PLA2G4D: variants seen among roughly 807,000 people sequenced by gnomAD.
The protein encoded by PLA2G4D is cytosolic phospholipase A2 delta.
A neutral mutation model predicts 94.4 loss-of-function variants in PLA2G4D; 80 were observed. That is an observed-to-expected ratio of 0.85 (90% confidence interval 0.71 to 1.02). PLA2G4D has a LOEUF of 1.02. Among genes scored for constraint, PLA2G4D ranks in the 50% least tolerant of loss-of-function variants. PLA2G4D has a pLI of 0.00. For synonymous variants in PLA2G4D, 438 were observed against 440.9 expected, an observed-to-expected ratio of 0.99 and a Z score of 0.08; for missense variants, 1,050 against 1,034.7, an observed-to-expected ratio of 1.01 and a Z score of -0.20.
rs569480249 is a variant in PLA2G4D, at chr15:42,088,434, C to T, written c.46-734G>A. 6.6e-5 allele frequency among the ~76,000 whole-genome samples: 10 copies of T among 152,260 alleles called. No homozygotes were observed. In the East Asian group the frequency reaches 1.5e-3, roughly 24 times the overall value. On this transcript the variant is annotated intron_variant, in intron 1 of 19. Transcript: ENST00000290472. ...GGTGGCAGGAGGGAAAGCAGATGGCCAGAGGGGCGTGGCTGAGGCCTGCTG... is the reference window on the plus strand; with the variant it reads ...GGTGGCAGGAGGGAAAGCAGATGGCTAGAGGGGCGTGGCTGAGGCCTGCTG...
chr15:42,072,484 C>A lies in PLA2G4D; in HGVS notation c.1318-92G>T. On this transcript the variant is annotated intron_variant, in intron 13 of 19. Transcript: ENST00000290472. ...GACAGGGGCAGGATGGGGGACCTGG[C>A]TGGGGGTGAGGAGGCAGCTCCTCCC... 2.9e-6 allele frequency: 3 copies of A among 1,023,292 alleles called. No homozygotes were observed. In the Admixed American group the frequency reaches 5.7e-5, roughly 20 times the overall value. The allele number at this position is 1,023,292 out of a possible 1,614,324, so 63.4% of individuals were successfully genotyped here.
rs1307442954 is a variant in PLA2G4D at position 42,081,625 on chromosome 15, G to A, written c.822-11C>T. ...GCCAGCTCCTCAGGGCTGTGGCAATGGAGGATCCAGGGGTCAGGGGACACC... is the reference window on the plus strand; with the variant it reads ...GCCAGCTCCTCAGGGCTGTGGCAATAGAGGATCCAGGGGTCAGGGGACACC... On this transcript the variant is annotated splice_polypyrimidine_tract_variant and intron_variant, in intron 10 of 19. Coordinates refer to ENST00000290472, the MANE Select transcript of PLA2G4D (RefSeq NM_178034.4). 2 of 1,613,534 alleles carry A rather than the reference G, an allele frequency of 1.2e-6. No homozygotes were observed. Among genetic ancestry groups the A allele is most frequent in the East Asian group, 2.2e-5 (1 of 44,900 alleles).
chr15:42,069,907 A>G lies in PLA2G4D; in HGVS notation c.2230+2T>C. On this transcript the variant is annotated splice_donor_variant, in intron 19 of 19. Transcript: ENST00000290472. LOFTEE classifies it high-confidence loss of function. Reference sequence around the variant, plus strand: ...CTGGGTGCTTGGGAGGGGCTGCCTCACCGGGGGCTGAGTGGTCCTTGAAGG... The same window carrying G: ...CTGGGTGCTTGGGAGGGGCTGCCTCGCCGGGGGCTGAGTGGTCCTTGAAGG... 1 of 1,412,210 alleles carries G rather than the reference A, an allele frequency of 7.1e-7. No individual in the cohort carries two copies. Among genetic ancestry groups the G allele is most frequent in the Non-Finnish European group, 9.2e-7 (1 of 1,083,138 alleles). The allele number at this position is 1,412,210 out of a possible 1,614,324, so 87.5% of individuals were successfully genotyped here. A position where few individuals can be genotyped will look rare whatever the true frequency, so the allele number is the denominator to read the frequency against.
intron 3 of PLA2G4D, 119 bp downstream of exon 3, chr15:42,087,181 A>T: frequency 7.6e-7 from 1 of 1,319,822 alleles, no homozygotes. Context: ...GGGCACAGAG[A>T]CCCCCTACTG....
intron 9 of PLA2G4D, 139 bp downstream of exon 9, chr15:42,082,140 C>T (rs1890050370): frequency 2.6e-6 from 2 of 764,738 alleles, no homozygotes; most frequent in East Asian, 2.7e-5. Flanking sequence ...CCATGTTGGC[C>T]AGGCTGTTCT....
chr15:42,069,301 G>C (rs1430743919), intron 19 of PLA2G4D, among the ~76,000 whole-genome samples: 1 of 152,108 alleles, frequency 6.6e-6, no homozygotes, highest in Admixed American at 6.5e-5. Context: ...GGGGCAGCGA[G>C]AACTTGCTGA....
At position 42,071,800 on chromosome 15, in the gene PLA2G4D, G is replaced by C. The variant is rs111407404; in HGVS notation, c.1547C>G (p.Pro516Arg). ...FFMGRLMRRI[P>R]EPRICFLEAI... Reference sequence around the variant, plus strand: ...TTCCAGAAAGCAGATCCGGGGCTCCGGGATCCTCCTCATCAGCCGTCCCAT... The same window carrying C: ...TTCCAGAAAGCAGATCCGGGGCTCCCGGATCCTCCTCATCAGCCGTCCCAT... Residue 516 changes from proline (P) to arginine (R), a missense_variant, in exon 15 of 20, where the codon CCG (proline) becomes CGG (arginine). Pro to Arg is a moderately radical substitution (Grantham distance 103, BLOSUM62 -2). Coordinates refer to ENST00000290472, the MANE Select transcript of PLA2G4D (RefSeq NM_178034.4). The C allele has an allele frequency of 1.2e-6, 2 of 1,614,132 alleles. No individual in the cohort carries two copies. Among genetic ancestry groups the C allele is most frequent in the African/African-American group, 2.7e-5 (2 of 75,010 alleles).
chr15:42,079,647 C>T lies in PLA2G4D; in HGVS notation c.1207G>A (p.Glu403Lys). The T allele has an allele frequency of 6.2e-7, 1 of 1,613,074 alleles. No homozygotes were observed. The highest frequency in any genetic ancestry group is 8.5e-7 in the Non-Finnish European group (1 of 1,179,542). Residue 403 changes from glutamate to lysine, a missense_variant, in exon 13 of 20, where the codon GAG becomes AAG. Coordinates refer to ENST00000290472, the MANE Select transcript of PLA2G4D (RefSeq NM_178034.4). ...TCCCGGCGGTAGCTCGCCAGGCGCTCTGGGGAAAAGACCTCCAGCTTGCTC... is the reference window on the plus strand; with the variant it reads ...TCCCGGCGGTAGCTCGCCAGGCGCTTTGGGGAAAAGACCTCCAGCTTGCTC... ...AKSKLEVFSP[E>K]RLASYRRELE...
At chr15:42,092,480 T>A (rs1890261499) in intron 1 of PLA2G4D, among the ~76,000 whole-genome samples, 1 of 152,230 alleles carries the variant, frequency 6.6e-6, no homozygotes, top group African/African-American at 2.4e-5. Context: ...ATTTGACTAA[T>A]ATGATTACTG....
At chr15:42,089,646 C>A (rs1284700088) in intron 1 of PLA2G4D, among the ~76,000 whole-genome samples, 1 of 152,134 alleles carries the variant, frequency 6.6e-6, no homozygotes, top group East Asian at 1.9e-4. Context: ...CCACCACTGC[C>A]GGCCACAGGG....
At chr15:42,093,129 C>T (rs530578664) in intron 1 of PLA2G4D, among the ~76,000 whole-genome samples, 2 of 152,268 alleles carry the variant, frequency 1.3e-5, no homozygotes, top group South Asian at 4.2e-4. Context: ...AGGTTCCAGG[C>T]CCCTGTTCCA....
intron 1 of PLA2G4D, among the ~76,000 whole-genome samples, chr15:42,088,518 G>A (rs982274740): frequency 1.4e-4 from 21 of 152,212 alleles, no homozygotes; most frequent in African/African-American, 4.1e-4. Context: ...GCACTGCCAC[G>A]ATCAGGAGGG....
chr15:42,071,813 T>G lies in PLA2G4D; in HGVS notation c.1534A>C (p.Met512Leu), dbSNP rs1889825901. 6.2e-7 allele frequency: 1 copy of G among 1,613,978 alleles called. No homozygotes were observed. Among genetic ancestry groups the G allele is most frequent in the African/African-American group, 1.3e-5 (1 of 74,870 alleles). The change falls in exon 15 of 20, where the codon ATG (methionine) becomes CTG (leucine). Residue 512 changes from methionine to leucine, a missense_variant. Met to Leu is a conservative substitution (Grantham distance 15). Coordinates refer to ENST00000290472, the MANE Select transcript of PLA2G4D (RefSeq NM_178034.4). ...ATCCGGGGCTCCGGGATCCTCCTCA[T>G]CAGCCGTCCCATGAAGAACTCGGAG... ...FGSEFFMGRL[M>L]RRIPEPRICF...
chr15:42,085,530 C>G lies in PLA2G4D; in HGVS notation c.389G>C (p.Gly130Ala). 1.9e-6 allele frequency: 3 copies of G among 1,613,536 alleles called. No individual in the cohort carries two copies. The highest frequency in any genetic ancestry group is 2.5e-6 in the Non-Finnish European group (3 of 1,179,458). The change falls in exon 5 of 20, where the codon GGA (glycine) becomes GCA (alanine). Residue 130 changes from glycine to alanine, a missense_variant and splice_region_variant. Physicochemically the swap from Gly to Ala is moderately conservative, Grantham distance 60. Coordinates refer to ENST00000290472, the MANE Select transcript of PLA2G4D (RefSeq NM_178034.4). ...GAACTCCACATCCAGCTCCTCCTCT[C>G]CCTGAAATCAGAGAGCATGAGCAAG... ...LRKTFSQSPQGEEELDVEFLM... is the reference protein window; with the variant it reads ...LRKTFSQSPQAEEELDVEFLM...
rs1333395026 is a variant in PLA2G4D, at chr15:42,071,675, C to G, written c.1573+99G>C. ...ATGCATCCCCCCCGCCACCCCTCCC[C>G]CTTGTCCTGAGGTTCTGCCCCACCT... is the stretch of plus-strand genomic sequence containing the variant. On this transcript the variant is annotated intron_variant, in intron 15 of 19. Transcript: ENST00000290472. 5.7e-6 allele frequency: 8 copies of G among 1,407,258 alleles called. No homozygotes were observed. In the Admixed American group the frequency reaches 1.1e-4, roughly 19 times the overall value. 87.2% of individuals were successfully genotyped at this position (1,407,258 alleles called of 1,614,324 possible).
At chr15:42,089,774 G>A (rs1342893479) in intron 1 of PLA2G4D, among the ~76,000 whole-genome samples, 1 of 152,198 alleles carries the variant, frequency 6.6e-6, no homozygotes, top group Non-Finnish European at 1.5e-5. Context: ...CCCCGGCCAG[G>A]CTGATACTCC....
chr15:42,080,949 G>A (rs368254925), intron 12 of PLA2G4D, 48 bp downstream of exon 12: 10 of 1,596,284 alleles, frequency 6.3e-6, no homozygotes, highest in Admixed American at 3.4e-5. Context: ...ACTCTGCCCC[G>A]CTATGGCCCC....
Position 42,070,769 on chromosome 15 carries a change from C to A in PLA2G4D, c.1991G>T (p.Arg664Leu), listed in dbSNP as rs780864125. 1.3e-6 allele frequency: 2 copies of A among 1,589,690 alleles called. No individual in the cohort carries two copies. Among genetic ancestry groups the A allele is most frequent in the Non-Finnish European group, 1.7e-6 (2 of 1,167,234 alleles). The stretch of plus-strand genomic sequence containing the variant: ...GAAGGAGAGGATGAGGTCCAGCCTG[C>A]GGCCTGGCCGGAACATGGAGGGAGA... ...TSSPSMFRPG[R>L]RLDLILSFDY... The change falls in exon 18 of 20, where the codon CGC becomes CTC. Residue 664 changes from arginine to leucine, a missense_variant. Arg to Leu is a moderately radical substitution (Grantham distance 102). Transcript: ENST00000290472.
At chr15:42,091,889 G>GCCCT (rs2141105509) in intron 1 of PLA2G4D, among the ~76,000 whole-genome samples, 1 of 152,270 alleles carries the variant, frequency 6.6e-6, no homozygotes, top group African/African-American at 2.4e-5. Flanking sequence ...AGGGCCCCCT[G>GCCCT]TCCAGTGGAC....
Sources: allele counts gnomAD v4.1 joint callset (sites outside exome capture counted in the v4.1 genomes callset), GRCh38; gene constraint gnomAD v4.1.1; transcripts MANE v1.5; gene names NCBI Gene and HGNC (gene_info 2026-07-23, HGNC 2026-07-21).